RANBP9: variants seen among roughly 807,000 people sequenced by gnomAD.
RANBP9 encodes RAN binding protein 9.
A neutral mutation model predicts 84.3 loss-of-function variants in RANBP9; 15 were observed. The observed-to-expected ratio is 0.18, with a 90% CI of 0.12 to 0.27. The LOEUF (loss-of-function observed/expected upper bound fraction) is 0.27, where lower values mean the gene tolerates loss of function less well. Ranked by LOEUF, RANBP9 falls within the 10% of genes least tolerant of loss-of-function variation. RANBP9 has a pLI of 1.00. For synonymous variants in RANBP9, 392 were observed against 349.6 expected, an observed-to-expected ratio of 1.12 and a Z score of -1.35; for missense variants, 809 against 912.8, an observed-to-expected ratio of 0.89 and a Z score of 1.46.
chr6:13,684,706 G>C (rs1766126831), intron 2 of RANBP9, among the ~76,000 whole-genome samples: 1 of 152,178 alleles, frequency 6.6e-6, no homozygotes, highest in East Asian at 1.9e-4. Flanking sequence ...ACAAAAGTCT[G>C]TGCCCTCCCT....
chr6:13,703,942 C>T (rs764392560), intron 1 of RANBP9, among the ~76,000 whole-genome samples: 1 of 152,138 alleles, frequency 6.6e-6, no homozygotes, highest in African/African-American at 2.4e-5. Context: ...CCTTCACAAT[C>T]ATTATTTTAT....
intron 5 of RANBP9, among the ~76,000 whole-genome samples, chr6:13,648,405 T>C (rs1765221939): frequency 6.6e-6 from 1 of 152,114 alleles, no homozygotes; most frequent in East Asian, 1.9e-4. Context: ...CCCAAAGTGC[T>C]AGAATTACAG....
intron 4 of RANBP9, among the ~76,000 whole-genome samples, chr6:13,654,120 C>A (rs1035584362): frequency 2.0e-5 from 3 of 152,008 alleles, no homozygotes; most frequent in Non-Finnish European, 4.4e-5. Flanking sequence ...CTTCACTTTA[C>A]CAAAAACTCT....
chr6:13,696,508 C>A (rs1250362775), intron 2 of RANBP9, among the ~76,000 whole-genome samples: 1 of 152,172 alleles, frequency 6.6e-6, no homozygotes, highest in Non-Finnish European at 1.5e-5. Context: ...TAAGAAAAGT[C>A]ATGGAAAATG....
At chr6:13,628,201 A>T (rs1355626527) in intron 12 of RANBP9, among the ~76,000 whole-genome samples, 1 of 152,092 alleles carries the variant, frequency 6.6e-6, no homozygotes, top group African/African-American at 2.4e-5. Flanking sequence ...TTAGTTACCA[A>T]TCTAAATGTT....
intron 5 of RANBP9, among the ~76,000 whole-genome samples, chr6:13,646,599 C>A (rs972239351): frequency 6.6e-5 from 10 of 152,184 alleles, no homozygotes; most frequent in Admixed American, 2.0e-4. Flanking sequence ...GACTGCTCAT[C>A]TAAATTTTCT....
chr6:13,663,774 A>C (rs1477405554), intron 2 of RANBP9, among the ~76,000 whole-genome samples: 1 of 152,134 alleles, frequency 6.6e-6, no homozygotes, highest in African/African-American at 2.4e-5. Flanking sequence ...CAATCAATGT[A>C]TTTTTCTATA....
intron 1 of RANBP9, among the ~76,000 whole-genome samples, chr6:13,705,657 C>A (rs1208200160): frequency 6.6e-6 from 1 of 150,480 alleles, no homozygotes; most frequent in Non-Finnish European, 1.5e-5. Context: ...GTCAGGAGAT[C>A]AAGACCATCC....
chr6:13,666,437 TAAG>T (rs1473682344), intron 2 of RANBP9, among the ~76,000 whole-genome samples: 12 of 151,098 alleles, frequency 7.9e-5, no homozygotes, highest in South Asian at 2.1e-4. Flanking sequence ...TTTGAAAAGA[TAAG>T]AACCCAATAA....
At chr6:13,646,005 T>C (rs941142403) in intron 5 of RANBP9, among the ~76,000 whole-genome samples, 2 of 152,230 alleles carry the variant, frequency 1.3e-5, no homozygotes, top group Non-Finnish European at 2.9e-5. Context: ...TGCAAATGTA[T>C]TGATTCTTAA....
At chr6:13,704,905 T>C (rs1467912817) in intron 1 of RANBP9, among the ~76,000 whole-genome samples, 1 of 152,084 alleles carries the variant, frequency 6.6e-6, no homozygotes, top group Admixed American at 6.6e-5. Flanking sequence ...GGTTATACGC[T>C]CCTCCTATTT....
intron 1 of RANBP9, among the ~76,000 whole-genome samples, chr6:13,710,593 T>C (rs1461425398): frequency 6.6e-6 from 1 of 152,194 alleles, no homozygotes; most frequent in Non-Finnish European, 1.5e-5. Context: ...CATGGATTCC[T>C]CTACCCAAGC....
chr6:13,622,386 G>T lies in RANBP9; in HGVS notation c.2166C>A (p.Ala722=). ...GCTAATGTAGGTAGTCTTCCACTGT[G>T]GCAAATGCGCAGGATCCAATTCCTG... ...ARSGIGSCAF[A]TVEDYLH The change falls in exon 14 of 14, where the codon GCC becomes GCA. Residue 722 remains alanine (A), a synonymous_variant. Transcript: ENST00000011619. The T allele has an allele frequency of 1.9e-6, 3 of 1,595,746 alleles. No individual in the cohort carries two copies. Among genetic ancestry groups the T allele is most frequent in the Non-Finnish European group, 2.6e-6 (3 of 1,170,942 alleles).
In RANBP9 at chr6:13,711,236, AGGCGGGGGCGGCGGCGGGGGC is replaced by A; in HGVS notation, c.249_269del (p.Pro86_Pro92del). On this transcript the variant is annotated inframe_deletion, in exon 1 of 14. Coordinates refer to ENST00000011619, the MANE Select transcript of RANBP9 (RefSeq NM_005493.3). ...CGGGGGCAGCCGCTGAGGCAGGGGG[AGGCGGGGGCGGCGGCGGGGGC>A]GGCGGGGCCGCGGTGGCCGGGGGCG... The A allele has an allele frequency of 3.1e-6, 1 of 326,306 alleles. No individual in the cohort carries two copies. Among genetic ancestry groups the A allele is most frequent in the Non-Finnish European group, 3.6e-6 (1 of 278,090 alleles). 20.2% of individuals were successfully genotyped at this position (326,306 alleles called of 1,614,324 possible).
chr6:13,687,012 T>C (rs557463430), intron 2 of RANBP9, among the ~76,000 whole-genome samples: 1 of 152,340 alleles, frequency 6.6e-6, no homozygotes, highest in Admixed American at 6.5e-5. Context: ...TAGATGATTA[T>C]GTAACAAGAA....
Position 13,622,073 on chromosome 6 carries a change from TTC to T in RANBP9, c.*287_*288del. ...CCACAAAGAAGGCAGGATTTTTGGT[TTC>T]TTTTAGGTAATTGTTTTAAAGGATT... On this transcript the variant is annotated 3_prime_UTR_variant, in exon 14 of 14. Coordinates refer to ENST00000011619, the MANE Select transcript of RANBP9 (RefSeq NM_005493.3). 1 of 188,818 alleles carries T rather than the reference TTC, an allele frequency of 5.3e-6. No individual in the cohort carries two copies. Among genetic ancestry groups the T allele is most frequent in the Non-Finnish European group, 1.1e-5 (1 of 93,698 alleles). The allele number at this position is 188,818 out of a possible 1,614,324, so 11.7% of individuals were successfully genotyped here. A position where few individuals can be genotyped will look rare whatever the true frequency, so the allele number is the denominator to read the frequency against.
chr6:13,691,163 C>CAA (rs767728179), intron 2 of RANBP9, among the ~76,000 whole-genome samples: 85 of 57,416 alleles, frequency 1.5e-3, no homozygotes, highest in African/African-American at 4.2e-3. Context: ...GACTCCGTCT[C>CAA]AAAAAAAAAA....
intron 4 of RANBP9, among the ~76,000 whole-genome samples, chr6:13,652,938 G>A (rs1765326770): frequency 6.6e-6 from 1 of 152,072 alleles, no homozygotes; most frequent in African/African-American, 2.4e-5. Flanking sequence ...ATTGTCTCCA[G>A]GATTTTTGAA....
At chr6:13,632,641 A>T in intron 11 of RANBP9, 120 bp from the exon 12 acceptor site, 2 of 954,598 alleles carry the variant, frequency 2.1e-6, no homozygotes, top group Non-Finnish European at 3.1e-6. Flanking sequence ...ATTTCATCTA[A>T]ATATGCAGAT....
Sources: gnomAD v4.1 joint callset for allele counts (sites outside exome capture counted in the v4.1 genomes callset) on GRCh38, gnomAD v4.1.1 for gene constraint, MANE v1.5 for transcripts, NCBI Gene and HGNC (gene_info 2026-07-23, HGNC 2026-07-21) for gene names.